SLC16A12: variants seen among roughly 807,000 people sequenced by gnomAD.
The protein encoded by SLC16A12 is monocarboxylate transporter 12.
In SLC16A12, 17 loss-of-function variants were observed where a neutral mutation model predicts 42.4. The observed-to-expected ratio is 0.40, with a 90% CI of 0.27 to 0.60. The LOEUF is 0.60. SLC16A12 is among the 20% of genes least tolerant of loss of function. The pLI is 0.42. For missense variants in SLC16A12, 544 were observed against 623.0 expected, an observed-to-expected ratio of 0.87 and a Z score of 1.35; for synonymous variants, 224 against 229.4, an observed-to-expected ratio of 0.98 and a Z score of 0.21.
chr10:89,522,062 GC>G lies in SLC16A12; in HGVS notation c.-47+12438del, dbSNP rs1843366661. The stretch of plus-strand genomic sequence containing the variant: ...CAGTCAACATCTATCCAGCAGCTTT[GC>G]CATTCTCAGCGTCAAGTTTGACCAC... On this transcript the variant is annotated intron_variant, in intron 2 of 7. Transcript: ENST00000371790. 2.0e-5 allele frequency among the ~76,000 whole-genome samples: 3 copies of G among 152,258 alleles called. No homozygotes were observed. The South Asian group carries it at 6.2e-4, about 32-fold the overall frequency.
intron 2 of SLC16A12, among the ~76,000 whole-genome samples, chr10:89,486,591 C>CA (rs374359325): frequency 0.02 from 872 of 42,804 alleles, 34 homozygotes; most frequent in South Asian, 0.049. Flanking sequence ...AACCTTGTCT[C>CA]AAAAAAAAAA....
At position 89,438,841 on chromosome 10, in the gene SLC16A12, T is replaced by G; in HGVS notation, c.791A>C (p.Gln264Pro). 1 of 1,614,220 alleles carries G rather than the reference T, an allele frequency of 6.2e-7. No homozygotes were observed. The highest frequency in any genetic ancestry group is 8.5e-7 in the Non-Finnish European group (1 of 1,180,042). Residue 264 changes from glutamine to proline, a missense_variant, in exon 6 of 8, where the codon CAG becomes CCG. Physicochemically the swap from Gln to Pro is moderately conservative, Grantham distance 76. Coordinates refer to ENST00000371790, the MANE Select transcript of SLC16A12 (RefSeq NM_213606.4). ...PYSSLTKEWA[Q>P]TCLCCCLQQE... Reference sequence around the variant, plus strand: ...CTGCAAACAGCAACAGAGGCAAGTCTGTGCCCATTCTTTGGTCAAAGATGA... The same window carrying G: ...CTGCAAACAGCAACAGAGGCAAGTCGGTGCCCATTCTTTGGTCAAAGATGA...
intron 2 of SLC16A12, among the ~76,000 whole-genome samples, chr10:89,542,514 G>A (rs966051265): frequency 5.3e-5 from 8 of 152,078 alleles, no homozygotes; most frequent in African/African-American, 1.9e-4. Context: ...ATGTTGGCCA[G>A]GCTGGTCTTG....
At chr10:89,476,956 C>G (rs1842590276) in intron 2 of SLC16A12, among the ~76,000 whole-genome samples, 1 of 152,204 alleles carries the variant, frequency 6.6e-6, no homozygotes, top group Non-Finnish European at 1.5e-5. Context: ...GTTCTGTAGA[C>G]TCTGCTCACT....
intron 3 of SLC16A12, among the ~76,000 whole-genome samples, chr10:89,452,575 G>C (rs760754925): frequency 6.6e-6 from 1 of 152,120 alleles, no homozygotes; most frequent in East Asian, 1.9e-4. Context: ...CCTGCTTTTT[G>C]AGCAAGGGGC....
intron 2 of SLC16A12, among the ~76,000 whole-genome samples, chr10:89,474,608 G>A (rs1189439644): frequency 6.6e-6 from 1 of 152,068 alleles, no homozygotes; most frequent in Admixed American, 6.6e-5. Flanking sequence ...AACACAACCA[G>A]CTTCTCTCTA....
At chr10:89,534,398 A>C (rs994885667) in intron 2 of SLC16A12, 103 bp downstream of exon 2, 1 of 152,222 alleles carries the variant, frequency 6.6e-6, no homozygotes, top group African/African-American at 2.4e-5. Flanking sequence ...TAAGCTGGTG[A>C]CGCCGCGGGA....
At chr10:89,544,088 C>T (rs762914507) in intron 2 of SLC16A12, among the ~76,000 whole-genome samples, 21 of 152,174 alleles carry the variant, frequency 1.4e-4, no homozygotes, top group Non-Finnish European at 2.8e-4. Flanking sequence ...CTCTGGGAGA[C>T]TCATTCAGTT....
intron 3 of SLC16A12, among the ~76,000 whole-genome samples, chr10:89,445,353 C>G (rs1841983682): frequency 5.3e-5 from 8 of 152,198 alleles, no homozygotes; most frequent in Admixed American, 5.2e-4. Context: ...CCTCATACAG[C>G]CAGGTGCCCC....
At chr10:89,523,025 C>T (rs1843383922) in intron 2 of SLC16A12, among the ~76,000 whole-genome samples, 1 of 151,982 alleles carries the variant, frequency 6.6e-6, no homozygotes, top group Non-Finnish European at 1.5e-5. Context: ...TATCTTTTTT[C>T]TTCCTGTTTC....
intron 2 of SLC16A12, among the ~76,000 whole-genome samples, chr10:89,478,328 T>C (rs1334141270): frequency 6.6e-6 from 1 of 152,172 alleles, no homozygotes; most frequent in Non-Finnish European, 1.5e-5. Flanking sequence ...TTGAACCCAA[T>C]GGGAGCCCAA....
chr10:89,490,896 A>G (rs1842836935), intron 2 of SLC16A12, among the ~76,000 whole-genome samples: 1 of 152,162 alleles, frequency 6.6e-6, no homozygotes, highest in Admixed American at 6.5e-5. Context: ...TCATTAACAA[A>G]AGCTCAGGCT....
At chr10:89,539,800 G>GGGCA (rs1843700162), upstream of SLC16A12, among the ~76,000 whole-genome samples, 1 of 151,862 alleles carries the variant, frequency 6.6e-6, no homozygotes, top group Non-Finnish European at 1.5e-5. Context: ...GTACAGATTA[G>GGGCA]GGCAATACAT....
At chr10:89,515,134 A>C (rs74897891) in intron 2 of SLC16A12, among the ~76,000 whole-genome samples, 10,903 of 143,106 alleles carry the variant, frequency 0.076, 529 homozygotes, top group African/African-American at 0.16. Context: ...CAAAACAAAA[A>C]AAAAAGAAAA....
At chr10:89,444,938 G>A (rs1841974764) in intron 3 of SLC16A12, among the ~76,000 whole-genome samples, 1 of 152,250 alleles carries the variant, frequency 6.6e-6, no homozygotes, top group Admixed American at 6.5e-5. Flanking sequence ...GGCACACCAG[G>A]AGATTTTATC....
intron 2 of SLC16A12, among the ~76,000 whole-genome samples, chr10:89,489,039 A>G (rs1363348435): frequency 6.6e-6 from 1 of 152,208 alleles, no homozygotes. Flanking sequence ...AATCATCTCT[A>G]GAAATGTGGG....
chr10:89,489,421 C>A (rs1193143678), intron 2 of SLC16A12, among the ~76,000 whole-genome samples: 1 of 152,080 alleles, frequency 6.6e-6, no homozygotes, highest in Non-Finnish European at 1.5e-5. Flanking sequence ...CTCACTGCAA[C>A]CTCTGTCTCC....
intron 2 of SLC16A12, among the ~76,000 whole-genome samples, chr10:89,506,675 A>T (rs1843066811): frequency 6.6e-6 from 1 of 152,202 alleles, no homozygotes; most frequent in African/African-American, 2.4e-5. Flanking sequence ...TCTCCTACAA[A>T]GGATCACAAC....
chr10:89,528,073 T>C (rs533256639), intron 2 of SLC16A12, among the ~76,000 whole-genome samples: 3 of 152,002 alleles, frequency 2.0e-5, no homozygotes, highest in South Asian at 4.2e-4. Context: ...TGGTGGCTCA[T>C]GCCTGTAGTC....
Sources: allele counts gnomAD v4.1 joint callset (sites outside exome capture counted in the v4.1 genomes callset), GRCh38; gene constraint gnomAD v4.1.1; transcripts MANE v1.5; gene names NCBI Gene and HGNC (gene_info 2026-07-23, HGNC 2026-07-21).